FHOD3: variants seen among roughly 807,000 people sequenced by gnomAD.
FHOD3 encodes formin homology 2 domain containing 3.
A neutral mutation model predicts 173.0 loss-of-function variants in FHOD3; 90 were observed. The observed-to-expected ratio is 0.52, with a 90% CI of 0.44 to 0.62. FHOD3 has a LOEUF of 0.62. Among genes scored for constraint, FHOD3 ranks in the 20% least tolerant of loss-of-function variants. FHOD3 has a pLI of 0.00. For synonymous variants in FHOD3, 828 were observed against 823.0 expected (o/e 1.01, Z -0.10); for missense variants, 1,945 against 2,034.7 (o/e 0.96, Z 0.85).
At chr18:36,625,036 C>G (rs1187954799) in intron 9 of FHOD3, among the ~76,000 whole-genome samples, 3 of 152,156 alleles carry the variant, frequency 2.0e-5, no homozygotes, top group Non-Finnish European at 4.4e-5. Flanking sequence ...TCCCATTCAC[C>G]TGGATCTTGT....
intron 5 of FHOD3, among the ~76,000 whole-genome samples, chr18:36,567,152 T>A (rs186918807): frequency 7.9e-5 from 12 of 152,210 alleles, no homozygotes; most frequent in African/African-American, 2.9e-4. Context: ...GGAAGGGAAG[T>A]CAAAATCCTT....
chr18:36,382,777 C>A (rs2047855801), intron 3 of FHOD3, among the ~76,000 whole-genome samples: 1 of 137,444 alleles, frequency 7.3e-6, no homozygotes, highest in South Asian at 2.6e-4. Flanking sequence ...CGGGTCCTGT[C>A]TAGGAATGTA....
At chr18:36,381,127 G>C (rs1183621647) in intron 3 of FHOD3, among the ~76,000 whole-genome samples, 2 of 152,228 alleles carry the variant, frequency 1.3e-5, no homozygotes, top group African/African-American at 4.8e-5. Context: ...GGTTTGAGAA[G>C]TCTGGGAAGT....
chr18:36,688,598 C>A (rs1163192083), intron 16 of FHOD3, among the ~76,000 whole-genome samples: 1 of 152,188 alleles, frequency 6.6e-6, no homozygotes, highest in Non-Finnish European at 1.5e-5. Flanking sequence ...GAGGGCATCA[C>A]ATATACTTTC....
chr18:36,700,473 A>T (rs2039518935), intron 17 of FHOD3, among the ~76,000 whole-genome samples: 2 of 152,108 alleles, frequency 1.3e-5, no homozygotes, highest in Admixed American at 1.3e-4. Context: ...ATAATTTTTG[A>T]TTCCTCCTTC....
chr18:36,314,531 G>A (rs1411999855), intron 1 of FHOD3, among the ~76,000 whole-genome samples: 1 of 152,222 alleles, frequency 6.6e-6, no homozygotes, highest in African/African-American at 2.4e-5. Flanking sequence ...GAGCTTTAGA[G>A]GAGGAGGTGG....
At chr18:36,486,199 C>T (rs76321970) in intron 3 of FHOD3, among the ~76,000 whole-genome samples, 13,313 of 152,210 alleles carry the variant, frequency 0.087, 650 homozygotes, top group East Asian at 0.22. Flanking sequence ...GTTCTGTCTA[C>T]ATCCACCACT....
intron 5 of FHOD3, among the ~76,000 whole-genome samples, chr18:36,569,308 A>C (rs1196243577): frequency 6.6e-6 from 1 of 152,196 alleles, no homozygotes; most frequent in Non-Finnish European, 1.5e-5. Flanking sequence ...ACTAATCAAA[A>C]GAAGGTGAAG....
At chr18:36,705,234 C>T (rs532276759) in intron 17 of FHOD3, among the ~76,000 whole-genome samples, 2 of 152,344 alleles carry the variant, frequency 1.3e-5, no homozygotes, top group South Asian at 4.1e-4. Flanking sequence ...CTGACAACCA[C>T]CCAAACCTCC....
intron 16 of FHOD3, among the ~76,000 whole-genome samples, chr18:36,689,983 C>T (rs995750981): frequency 1.3e-5 from 2 of 152,070 alleles, no homozygotes; most frequent in African/African-American, 2.4e-5. Flanking sequence ...CAGGAAAAGT[C>T]ATCAGTAAGT....
At chr18:36,659,748 A>G (rs1304226797) in intron 14 of FHOD3, among the ~76,000 whole-genome samples, 3 of 152,186 alleles carry the variant, frequency 2.0e-5, no homozygotes, top group African/African-American at 7.2e-5. Context: ...ACAGGGGTCC[A>G]TGTGGCCCAC....
chr18:36,338,693 C>T (rs539180986), intron 1 of FHOD3, among the ~76,000 whole-genome samples: 1 of 152,266 alleles, frequency 6.6e-6, no homozygotes, highest in African/African-American at 2.4e-5. Flanking sequence ...AGCTCACCCT[C>T]TAGTATTCTT....
At chr18:36,494,597 T>C (rs556654914) in intron 3 of FHOD3, among the ~76,000 whole-genome samples, 2 of 152,274 alleles carry the variant, frequency 1.3e-5, no homozygotes, top group East Asian at 3.9e-4. Flanking sequence ...AACCTAAAAG[T>C]AAGGGATGTA....
chr18:36,674,287 G>A (rs770808310), intron 14 of FHOD3, among the ~76,000 whole-genome samples: 7 of 152,228 alleles, frequency 4.6e-5, no homozygotes, highest in Non-Finnish European at 8.8e-5. Context: ...AGAAAACAGT[G>A]CTGAGGGTTG....
intron 1 of FHOD3, among the ~76,000 whole-genome samples, chr18:36,298,962 C>A (rs192143489): frequency 4.6e-5 from 7 of 152,034 alleles, no homozygotes; most frequent in African/African-American, 1.7e-4. Flanking sequence ...GGATTCATAT[C>A]AAAGCTTGGA....
intron 14 of FHOD3, among the ~76,000 whole-genome samples, chr18:36,675,074 G>A (rs2037761998): frequency 6.6e-6 from 1 of 152,140 alleles, no homozygotes; most frequent in Non-Finnish European, 1.5e-5. Flanking sequence ...GGAGGCTAGG[G>A]AAGAACTGCC....
chr18:36,352,095 A>G (rs115445753), intron 1 of FHOD3, among the ~76,000 whole-genome samples: 2,036 of 152,208 alleles, frequency 0.013, 33 homozygotes, highest in African/African-American at 0.046. Flanking sequence ...TTCGTGAGCC[A>G]CTTTTCAAAT....
At chr18:36,359,267 C>T (rs17673157) in intron 2 of FHOD3, among the ~76,000 whole-genome samples, 36,030 of 152,184 alleles carry the variant, frequency 0.24, 4,465 homozygotes, top group Admixed American at 0.33. Context: ...CTTCTTTGTT[C>T]TTGTCCATTA....
intron 3 of FHOD3, among the ~76,000 whole-genome samples, chr18:36,461,374 T>C (rs900123229): frequency 6.6e-6 from 1 of 152,136 alleles, no homozygotes; most frequent in East Asian, 1.9e-4. Context: ...TTCTATTAGA[T>C]TGTTACTGGG....
Sources: gnomAD v4.1 joint callset for allele counts (sites outside exome capture counted in the v4.1 genomes callset) on GRCh38, gnomAD v4.1.1 for gene constraint, MANE v1.5 for transcripts, NCBI Gene and HGNC (gene_info 2026-07-23, HGNC 2026-07-21) for gene names.